Variants in SEL1L3 observed in about 807,000 individuals in gnomAD.
The protein encoded by SEL1L3 is protein sel-1 homolog 3.
In SEL1L3, 76 loss-of-function variants were observed where a neutral mutation model predicts 142.8. That is an observed-to-expected ratio of 0.53 (90% CI 0.44 to 0.64). The LOEUF is 0.64. SEL1L3 is among the 30% of genes least tolerant of loss of function. SEL1L3 has a pLI of 0.00. For synonymous variants in SEL1L3, 504 were observed against 519.6 expected (o/e 0.97, Z 0.41); for missense variants, 1,262 against 1,381.7 (o/e 0.91, Z 1.37).
Position 25,788,489 on chromosome 4 carries a change from C to T in SEL1L3, c.2077-125G>A. On this transcript the variant is annotated intron_variant, in intron 12 of 23. Coordinates refer to ENST00000399878, the MANE Select transcript of SEL1L3 (RefSeq NM_015187.5). This position sits in a 1 kb window ranked among gnomAD's most constrained non-coding sequence, Gnocchi z 5.3. Reference sequence around the variant, plus strand: ...GATTGAGAACCAAGGATTAGATACACTTTATCTTCCAACTGGAGGCCAGAG... The same window carrying T: ...GATTGAGAACCAAGGATTAGATACATTTTATCTTCCAACTGGAGGCCAGAG... The T allele has an allele frequency of 1.0e-6, 1 of 980,274 alleles. No homozygotes were observed. The highest frequency in any genetic ancestry group is 1.6e-5 in the South Asian group (1 of 60,984). The allele number at this position is 980,274 out of a possible 1,614,324, so 60.7% of individuals were successfully genotyped here. A position where few individuals can be genotyped will look rare whatever the true frequency, so the allele number is the denominator to read the frequency against.
At chr4:25,732,968 A>T in the SEL1L3 span, among the ~76,000 whole-genome samples, 1 of 151,816 alleles carries the variant, frequency 6.6e-6, no homozygotes, top group Admixed American at 6.6e-5. Flanking sequence ...ATGGTCTCAA[A>T]CTCCTGACCT....
At chr4:25,863,238 T>C, upstream of SEL1L3, among the ~76,000 whole-genome samples, 1 of 53,416 alleles carries the variant, frequency 1.9e-5, no homozygotes, top group Admixed American at 2.7e-4. Context: ...CCCCTTTCCC[T>C]TTCTCTCTGC....
At chr4:25,807,724 C>G (rs935799015) in intron 9 of SEL1L3, among the ~76,000 whole-genome samples, 1 of 152,106 alleles carries the variant, frequency 6.6e-6, no homozygotes, top group Non-Finnish European at 1.5e-5. Flanking sequence ...AACACTTGTC[C>G]TGCCGACCCC....
At chr4:25,735,308 G>C in the SEL1L3 span, among the ~76,000 whole-genome samples, 8 of 151,888 alleles carry the variant, frequency 5.3e-5, no homozygotes, top group Non-Finnish European at 8.8e-5. Flanking sequence ...GCCTCCCAAA[G>C]TGCTAGGATT....
chr4:25,722,773 A>T, the SEL1L3 span, among the ~76,000 whole-genome samples: 1 of 152,020 alleles, frequency 6.6e-6, no homozygotes, highest in Non-Finnish European at 1.5e-5. Flanking sequence ...TCTCTTGAGT[A>T]TTACCTGTTT....
chr4:25,821,339 G>C (rs899406634), intron 7 of SEL1L3, among the ~76,000 whole-genome samples: 3 of 152,178 alleles, frequency 2.0e-5, no homozygotes, highest in African/African-American at 7.2e-5. Flanking sequence ...GGTATCAGGT[G>C]GGGTTCTTGA....
chr4:25,839,589 T>C (rs1485651624), intron 2 of SEL1L3, among the ~76,000 whole-genome samples: 1 of 152,190 alleles, frequency 6.6e-6, no homozygotes, highest in Non-Finnish European at 1.5e-5. Flanking sequence ...AATCCTCTCA[T>C]TTGTGCAGGA....
chr4:25,744,416 C>T (rs913430081), downstream of SEL1L3, among the ~76,000 whole-genome samples: 7 of 130,478 alleles, frequency 5.4e-5, no homozygotes, highest in African/African-American at 1.6e-4. Flanking sequence ...TGGCATGGCA[C>T]GATCTCAGCT....
chr4:25,741,164 G>C, the SEL1L3 span, among the ~76,000 whole-genome samples: 2 of 151,160 alleles, frequency 1.3e-5, no homozygotes, highest in South Asian at 4.2e-4. Flanking sequence ...GAGTGCAGTG[G>C]TGCGATCTCG....
At chr4:25,766,892 G>C (rs893859206) in intron 19 of SEL1L3, among the ~76,000 whole-genome samples, 1 of 152,168 alleles carries the variant, frequency 6.6e-6, no homozygotes. Flanking sequence ...AGTTCCTGGA[G>C]GCCAGTCCCC....
chr4:25,757,656 C>T, intron 22 of SEL1L3, 32 bp downstream of exon 22: 1 of 1,565,596 alleles, frequency 6.4e-7, no homozygotes, highest in Non-Finnish European at 8.7e-7. Flanking sequence ...GCAGGGGCCA[C>T]AAGGGTGGGG....
chr4:25,723,724 C>T, the SEL1L3 span, among the ~76,000 whole-genome samples: 3 of 152,178 alleles, frequency 2.0e-5, no homozygotes, highest in East Asian at 1.9e-4. Context: ...CTCATCACCA[C>T]CACCAGCTGC....
intron 13 of SEL1L3, among the ~76,000 whole-genome samples, chr4:25,787,631 T>C (rs1560300044): frequency 6.6e-6 from 1 of 152,196 alleles, no homozygotes; most frequent in South Asian, 2.1e-4. Context: ...TACTATTTTG[T>C]ATAAAGAACA....
At chr4:25,754,026 GT>G (rs533888125) in intron 23 of SEL1L3, among the ~76,000 whole-genome samples, 171 of 148,044 alleles carry the variant, frequency 1.2e-3, no homozygotes, top group African/African-American at 4.2e-3. Flanking sequence ...AATAAGGTCA[GT>G]TGCAGTGGCT....
chr4:25,733,933 A>G, the SEL1L3 span, among the ~76,000 whole-genome samples: 1 of 152,182 alleles, frequency 6.6e-6, no homozygotes, highest in Non-Finnish European at 1.5e-5. Flanking sequence ...GCCATTAAGT[A>G]TAATGTAGCT....
At chr4:25,762,828 A>C (rs1243428022) in intron 20 of SEL1L3, among the ~76,000 whole-genome samples, 1 of 152,050 alleles carries the variant, frequency 6.6e-6, no homozygotes, top group African/African-American at 2.4e-5. Context: ...AAACACAAAA[A>C]TTAGCTGGGT....
intron 5 of SEL1L3, among the ~76,000 whole-genome samples, chr4:25,830,507 C>A (rs1245131775): frequency 6.6e-6 from 1 of 152,178 alleles, no homozygotes; most frequent in African/African-American, 2.4e-5. Context: ...TGTTTAAAAT[C>A]TTGCTCTGAT....
At chr4:25,818,481 A>G (rs1714542878) in intron 8 of SEL1L3, among the ~76,000 whole-genome samples, 1 of 152,186 alleles carries the variant, frequency 6.6e-6, no homozygotes, top group Non-Finnish European at 1.5e-5. Context: ...AAATGTGCCA[A>G]AGTTGCTGAT....
chr4:25,844,780 C>T (rs1051876403), intron 2 of SEL1L3, among the ~76,000 whole-genome samples: 4 of 152,184 alleles, frequency 2.6e-5, no homozygotes, highest in African/African-American at 9.7e-5. Context: ...AATTAGGTGG[C>T]CCTGTGGAAG....
Sources: allele counts gnomAD v4.1 joint callset (sites outside exome capture counted in the v4.1 genomes callset), GRCh38; gene constraint gnomAD v4.1.1; non-coding constraint Gnocchi (gnomAD v3.1); transcripts MANE v1.5; gene names NCBI Gene and HGNC (gene_info 2026-07-23, HGNC 2026-07-21).